The following GRID2 variants were observed in gnomAD, a reference collection of about 807,000 sequenced individuals.
GRID2 encodes the protein glutamate receptor ionotropic, delta-2.
Under a neutral mutation model 114.8 loss-of-function variants are expected in GRID2, and 33 were observed. That is an observed-to-expected ratio of 0.29 (90% confidence interval 0.22 to 0.38). The LOEUF is 0.38. GRID2 is among the 10% of genes least tolerant of loss of function. GRID2 has a pLI of 1.00. For missense variants in GRID2, 1,184 were observed against 1,257.7 expected (o/e 0.94, Z 0.89); for synonymous variants, 505 against 449.9 (o/e 1.12, Z -1.55).
In GRID2 at chr4:92,965,450, T is replaced by TGAAAAAAAAAA. The variant is rs1393372287; in HGVS notation, c.245-119545_245-119544insGAAAAAAAAAA. Among the ~76,000 whole-genome samples the TGAAAAAAAAAA allele has an allele frequency of 1.0e-4, 9 of 85,776 alleles. 2 individuals carry two copies. The East Asian group carries it at 1.5e-3, about 14-fold the overall frequency. 56.3% of individuals were successfully genotyped at this position (85,776 alleles called of 152,430 possible). A position where few individuals can be genotyped will look rare whatever the true frequency, so the allele number is the denominator to read the frequency against. ...AGGGTTGCCATAAACATTCAATTTG[T>TGAAAAAAAAAA]AAAAAAAAAAAAAAAAAAAAAAAAA... On this transcript the variant is annotated intron_variant, in intron 2 of 15. Transcript: ENST00000282020.
At chr4:93,760,561 T>C (rs1217943072) in intron 14 of GRID2, among the ~76,000 whole-genome samples, 3 of 152,182 alleles carry the variant, frequency 2.0e-5, no homozygotes, top group Non-Finnish European at 2.9e-5. Context: ...AGCCCTGCAG[T>C]GGGGAGCTGG....
intron 12 of GRID2, among the ~76,000 whole-genome samples, chr4:93,491,927 C>G (rs1580233665): frequency 1.3e-5 from 2 of 151,778 alleles, no homozygotes; most frequent in Non-Finnish European, 2.9e-5. Context: ...ATTATTTTAT[C>G]CATTCATAAA....
chr4:92,662,545 T>A (rs907205704), intron 2 of GRID2, among the ~76,000 whole-genome samples: 2 of 150,962 alleles, frequency 1.3e-5, no homozygotes, highest in Non-Finnish European at 3.0e-5. Flanking sequence ...CTATATAGTA[T>A]TCCTAACTTC....
chr4:92,685,205 C>T (rs1318760717), intron 2 of GRID2, among the ~76,000 whole-genome samples: 2 of 151,938 alleles, frequency 1.3e-5, no homozygotes, highest in Non-Finnish European at 2.9e-5. Context: ...TGTCATGTGT[C>T]TACTCTGTGA....
At chr4:92,761,934 T>C (rs1008887345) in intron 2 of GRID2, among the ~76,000 whole-genome samples, 3 of 151,760 alleles carry the variant, frequency 2.0e-5, no homozygotes, top group Non-Finnish European at 2.9e-5. Context: ...TTTATTTTTG[T>C]TTGTTTGTTT....
At chr4:92,770,197 A>C (rs1262227414) in intron 2 of GRID2, among the ~76,000 whole-genome samples, 1 of 152,226 alleles carries the variant, frequency 6.6e-6, no homozygotes, top group Non-Finnish European at 1.5e-5. Context: ...AAATGCCACC[A>C]GTCTCTTTGC....
chr4:93,760,183 G>A (rs1309947396), intron 14 of GRID2, among the ~76,000 whole-genome samples: 1 of 152,160 alleles, frequency 6.6e-6, no homozygotes, highest in East Asian at 1.9e-4. Flanking sequence ...ACAAGGTTAA[G>A]AAGTAAATCA....
chr4:92,669,558 CA>C (rs898503888), intron 2 of GRID2, among the ~76,000 whole-genome samples: 1 of 151,862 alleles, frequency 6.6e-6, no homozygotes. Flanking sequence ...CAGTTGGTTT[CA>C]GGGGTGAATA....
chr4:92,977,579 T>C (rs866331925), intron 2 of GRID2, among the ~76,000 whole-genome samples: 1 of 152,278 alleles, frequency 6.6e-6, no homozygotes, highest in Middle Eastern at 3.4e-3. Context: ...GCATACATTA[T>C]CTGATTTGAA....
intron 2 of GRID2, among the ~76,000 whole-genome samples, chr4:92,934,195 C>G (rs188991355): frequency 0.01 from 1,586 of 151,694 alleles, 13 homozygotes; most frequent in Non-Finnish European, 0.017. Flanking sequence ...TCTTTGTATC[C>G]TCTTTTATTT....
At chr4:92,410,518 G>T (rs1369553846) in intron 1 of GRID2, among the ~76,000 whole-genome samples, 1 of 152,156 alleles carries the variant, frequency 6.6e-6, no homozygotes, top group Non-Finnish European at 1.5e-5. Context: ...ATTTGGACAG[G>T]ATCTCTGGCT....
intron 2 of GRID2, among the ~76,000 whole-genome samples, chr4:93,055,204 G>A (rs1727107612): frequency 1.3e-5 from 2 of 151,474 alleles, no homozygotes; most frequent in South Asian, 4.2e-4. Context: ...TAAAGTGTAG[G>A]TTTTTTGAAC....
intron 2 of GRID2, among the ~76,000 whole-genome samples, chr4:92,641,267 A>T (rs1731334169): frequency 6.7e-6 from 1 of 149,740 alleles, no homozygotes; most frequent in Non-Finnish European, 1.5e-5. Flanking sequence ...TTATATTAAA[A>T]GGAACATTGT....
At chr4:93,309,720 G>A (rs1232756296) in intron 8 of GRID2, among the ~76,000 whole-genome samples, 1 of 152,082 alleles carries the variant, frequency 6.6e-6, no homozygotes, top group Non-Finnish European at 1.5e-5. Context: ...AGAAAATCTA[G>A]TGCTACCTAC....
At chr4:93,067,916 T>G (rs1578892429) in intron 2 of GRID2, among the ~76,000 whole-genome samples, 1 of 151,992 alleles carries the variant, frequency 6.6e-6, no homozygotes, top group Admixed American at 6.6e-5. Flanking sequence ...TTTACATATT[T>G]AATTATATGC....
At chr4:92,568,224 G>A (rs1281334218) in intron 1 of GRID2, among the ~76,000 whole-genome samples, 1 of 151,934 alleles carries the variant, frequency 6.6e-6, no homozygotes, top group Non-Finnish European at 1.5e-5. Context: ...AAAAGACTTG[G>A]GTAACTGGAT....
At chr4:93,628,837 C>T (rs958486404) in intron 14 of GRID2, among the ~76,000 whole-genome samples, 9 of 150,158 alleles carry the variant, frequency 6.0e-5, no homozygotes, top group African/African-American at 2.2e-4. Flanking sequence ...GCGATCTCGG[C>T]TCACTGCAAC....
intron 1 of GRID2, among the ~76,000 whole-genome samples, chr4:92,424,761 A>T (rs1284537930): frequency 6.6e-6 from 1 of 151,260 alleles, no homozygotes; most frequent in Non-Finnish European, 1.5e-5. Context: ...ACAAGCTTCT[A>T]GTTTCTTCTG....
rs558824140 is a variant in GRID2, at chr4:92,905,346, A to C, written c.245-179649A>C. On this transcript the variant is annotated intron_variant, in intron 2 of 15. Coordinates refer to ENST00000282020, the MANE Select transcript of GRID2 (RefSeq NM_001510.4). ...TCTTTAACTTCAGCTGTGGCTCTAAAAAAATCAACATGACTCTAATTTATA... is the reference window on the plus strand; with the variant it reads ...TCTTTAACTTCAGCTGTGGCTCTAACAAAATCAACATGACTCTAATTTATA... Among the ~76,000 whole-genome samples, 267 of 152,196 alleles carry C rather than the reference A, an allele frequency of 1.8e-3. 1 individual carries two copies. Among genetic ancestry groups the C allele is most frequent in the African/African-American group, 6.3e-3 (262 of 41,558 alleles).
Sources: allele counts gnomAD v4.1 joint callset (sites outside exome capture counted in the v4.1 genomes callset), GRCh38; gene constraint gnomAD v4.1.1; transcripts MANE v1.5; gene names NCBI Gene and HGNC (gene_info 2026-07-23, HGNC 2026-07-21).